NDUFV3: variants seen among roughly 807,000 people sequenced by gnomAD.
NDUFV3 encodes NADH:ubiquinone oxidoreductase subunit V3, also known as NADH dehydrogenase [ubiquinone] flavoprotein 3, mitochondrial.
NDUFV3 carries 44 observed loss-of-function variants against 37.5 expected under a neutral mutation model. The observed-to-expected ratio is 1.17, with a 90% confidence interval of 0.92 to 1.51. The LOEUF (loss-of-function observed/expected upper bound fraction) is 1.51. Ranked by LOEUF, NDUFV3 falls within the 40% of genes most tolerant of loss-of-function variation. The pLI is 0.00. For missense variants in NDUFV3, 580 were observed against 580.4 expected, an observed-to-expected ratio of 1.00 and a Z score of 0.01; for synonymous variants, 235 against 239.3, an observed-to-expected ratio of 0.98 and a Z score of 0.17.
intron 2 of NDUFV3, among the ~76,000 whole-genome samples, chr21:42,901,870 C>T (rs1171147077): frequency 6.6e-6 from 1 of 152,232 alleles, no homozygotes; most frequent in Non-Finnish European, 1.5e-5. Context: ...ATTTTAATCA[C>T]TGTGCTGTCT....
rs79864358 is a variant in NDUFV3, at chr21:42,913,075, T to G, written c.*4054T>G. On this transcript the variant is annotated 3_prime_UTR_variant, in exon 4 of 4. Transcript: ENST00000354250. ...CAAGACTCCGTCTCAAAAAATAAAT[T>G]AATTAATTAAATTAAATAAGTGGGT... is the stretch of plus-strand genomic sequence containing the variant. 6.6e-6 allele frequency: 1 copy of G among 151,976 alleles called. No homozygotes were observed. 9.4% of individuals were successfully genotyped at this position (151,976 alleles called of 1,614,324 possible). A position where few individuals can be genotyped will look rare whatever the true frequency, so the allele number is the denominator to read the frequency against.
chr21:42,893,503 C>T, intron 1 of NDUFV3, 122 bp downstream of exon 1: 1 of 1,100,790 alleles, frequency 9.1e-7, no homozygotes, highest in Non-Finnish European at 1.3e-6. Flanking sequence ...CCTAGTTGGG[C>T]CGCTGACCCC....
intron 2 of NDUFV3, among the ~76,000 whole-genome samples, chr21:42,899,569 C>T (rs1310184699): frequency 1.3e-5 from 2 of 152,162 alleles, no homozygotes; most frequent in South Asian, 2.1e-4. Context: ...CCCATCCTCC[C>T]GAATAGCTGG....
At chr21:42,904,327 G>C (rs1462963610) in intron 3 of NDUFV3, 51 bp downstream of exon 3, 1 of 1,552,442 alleles carries the variant, frequency 6.4e-7, no homozygotes, top group African/African-American at 1.4e-5. Flanking sequence ...AGGGTAGTGA[G>C]GCAAAAGAAC....
At position 42,908,958 on chromosome 21, in the gene NDUFV3, C is replaced by T. The variant is rs2058754891; in HGVS notation, c.1359C>T (p.Asn453=). 1.9e-6 allele frequency: 3 copies of T among 1,613,916 alleles called. No homozygotes were observed. The highest frequency in any genetic ancestry group is 1.7e-5 in the Admixed American group (1 of 59,962). Reference sequence around the variant, plus strand: ...GCACGTACACCTTCTTAGACCTCAACCTCGAACTCTCAAAATTCAGGATGC... The same window carrying T: ...GCACGTACACCTTCTTAGACCTCAATCTCGAACTCTCAAAATTCAGGATGC... The part of the protein sequence containing the change: ...DYSTYTFLDL[N]LELSKFRMPQ... The change falls in exon 4 of 4, where the codon AAC becomes AAT. Residue 453 remains asparagine, a synonymous_variant. Coordinates refer to ENST00000354250, the MANE Select transcript of NDUFV3 (RefSeq NM_021075.4).
chr21:42,893,694 C>G (rs1457194410), intron 1 of NDUFV3, among the ~76,000 whole-genome samples: 1 of 152,220 alleles, frequency 6.6e-6, no homozygotes, highest in African/African-American at 2.4e-5. Flanking sequence ...CTCGGGTGGA[C>G]GTTCCCAGGT....
At position 42,908,904 on chromosome 21, in the gene NDUFV3, C is replaced by G. The variant is rs752573100; in HGVS notation, c.1305C>G (p.Thr435=). The G allele has an allele frequency of 6.2e-7, 1 of 1,614,126 alleles. No individual in the cohort carries two copies. The highest frequency in any genetic ancestry group is 1.1e-5 in the South Asian group (1 of 91,080). ...PVPAEPFDNT[T]YKNLQHHDYS... is the part of the protein sequence containing the mutation. ...CTGCTGAGCCGTTTGACAACACTAC[C>G]TACAAGAACCTGCAGCATCATGACT... The change falls in exon 4 of 4, where the codon ACC becomes ACG. Residue 435 remains threonine, a synonymous_variant. Coordinates refer to ENST00000354250, the MANE Select transcript of NDUFV3 (RefSeq NM_021075.4).
chr21:42,907,246 T>C (rs1025603100), intron 3 of NDUFV3, among the ~76,000 whole-genome samples: 2 of 152,178 alleles, frequency 1.3e-5, no homozygotes, highest in African/African-American at 2.4e-5. Flanking sequence ...CTAATTTTCT[T>C]GTATCAGAGA....
At chr21:42,900,027 A>C (rs2058712316) in intron 2 of NDUFV3, among the ~76,000 whole-genome samples, 1 of 152,154 alleles carries the variant, frequency 6.6e-6, no homozygotes, top group South Asian at 2.1e-4. Context: ...GTGAAAACCT[A>C]TCTCTAGAAA....
rs1245289942 is a variant in NDUFV3 at position 42,911,615 on chromosome 21, T to C, written c.*2594T>C. 6.6e-6 allele frequency: 1 copy of C among 152,030 alleles called. No homozygotes were observed. The highest frequency in any genetic ancestry group is 1.9e-4 in the East Asian group (1 of 5,176). 9.4% of individuals were successfully genotyped at this position (152,030 alleles called of 1,614,324 possible). A position where few individuals can be genotyped will look rare whatever the true frequency, so the allele number is the denominator to read the frequency against. On this transcript the variant is annotated 3_prime_UTR_variant, in exon 4 of 4. Transcript: ENST00000354250. ...GGCCACCATGTCCGCCTAATTTTTCTATTTTTTGTAGAGACAGGGTTCAAG... is the reference window on the plus strand; with the variant it reads ...GGCCACCATGTCCGCCTAATTTTTCCATTTTTTGTAGAGACAGGGTTCAAG...
At chr21:42,906,403 G>A (rs565024897) in intron 3 of NDUFV3, among the ~76,000 whole-genome samples, 3 of 152,032 alleles carry the variant, frequency 2.0e-5, no homozygotes, top group Non-Finnish European at 4.4e-5. Flanking sequence ...TTCGTTGTGC[G>A]ACAGGATCTA....
At chr21:42,895,850 C>G (rs2058688122) in intron 1 of NDUFV3, among the ~76,000 whole-genome samples, 1 of 152,032 alleles carries the variant, frequency 6.6e-6, no homozygotes, top group South Asian at 2.1e-4. Context: ...CCATAATATA[C>G]ATACATTATG....
At chr21:42,897,661 C>T (rs2058698884) in intron 2 of NDUFV3, among the ~76,000 whole-genome samples, 1 of 152,154 alleles carries the variant, frequency 6.6e-6, no homozygotes, top group Non-Finnish European at 1.5e-5. Context: ...GCGTGAGCCA[C>T]TGCGCCCGGC....
At chr21:42,905,862 CAT>C (rs1491166724) in intron 3 of NDUFV3, among the ~76,000 whole-genome samples, 32 of 109,164 alleles carry the variant, frequency 2.9e-4, no homozygotes, top group Non-Finnish European at 4.9e-4. Context: ...ATGATGTTAC[CAT>C]TTTTTTTTTT....
At position 42,911,896 on chromosome 21, in the gene NDUFV3, A is replaced by T. The variant is rs1222350447; in HGVS notation, c.*2875A>T. ...TTCCCTTAATATTAAAATGAACATG[A>T]ATATATTTTGATTTGCATATATTTT... On this transcript the variant is annotated 3_prime_UTR_variant, in exon 4 of 4. Transcript: ENST00000354250. 2.0e-5 allele frequency: 3 copies of T among 152,206 alleles called. No individual in the cohort carries two copies. The highest frequency in any genetic ancestry group is 7.2e-5 in the African/African-American group (3 of 41,452). 9.4% of individuals were successfully genotyped at this position (152,206 alleles called of 1,614,324 possible).
intron 3 of NDUFV3, 37 bp from the exon 4 acceptor site, chr21:42,908,827 T>G (rs1039501067): frequency 1.2e-6 from 2 of 1,613,846 alleles, no homozygotes; most frequent in African/African-American, 2.7e-5. Context: ...AGAGCTGTCC[T>G]TGTGTTGGTC....
chr21:42,899,277 G>T lies in NDUFV3; in HGVS notation c.169+2230G>T, dbSNP rs868154104. On this transcript the variant is annotated intron_variant, in intron 2 of 3. Transcript: ENST00000354250. Reference sequence around the variant, plus strand: ...TCAATACACAGAACAGTTGTATCTTGTTTTTTTTTGAGACAGAGTTTTGCT... The same window carrying T: ...TCAATACACAGAACAGTTGTATCTTTTTTTTTTTTGAGACAGAGTTTTGCT... 1.5e-4 allele frequency among the ~76,000 whole-genome samples: 21 copies of T among 141,150 alleles called. 2 individuals carry two copies. Among genetic ancestry groups the T allele is most frequent in the South Asian group, 2.2e-4 (1 of 4,476 alleles). 92.6% of individuals were successfully genotyped at this position (141,150 alleles called of 152,430 possible). A position where few individuals can be genotyped will look rare whatever the true frequency, so the allele number is the denominator to read the frequency against.
chr21:42,901,009 G>A (rs2146155370), intron 2 of NDUFV3, among the ~76,000 whole-genome samples: 1 of 152,244 alleles, frequency 6.6e-6, no homozygotes, highest in African/African-American at 2.4e-5. Flanking sequence ...AGTAATTTCT[G>A]TGTAGCTTTT....
rs1181430975 is a variant in NDUFV3, at chr21:42,912,886, C to T, written c.*3865C>T. ...CAGCCTGGGCGAAAGAGCAAGACTC[C>T]GTCTCAAAAAAAAAAAACAAAAAAA... On this transcript the variant is annotated 3_prime_UTR_variant, in exon 4 of 4. Coordinates refer to ENST00000354250, the MANE Select transcript of NDUFV3 (RefSeq NM_021075.4). 1.3e-4 allele frequency: 18 copies of T among 135,868 alleles called. No homozygotes were observed. The highest frequency in any genetic ancestry group is 4.2e-4 in the African/African-American group (15 of 35,654). The allele number at this position is 135,868 out of a possible 1,614,324, so 8.4% of individuals were successfully genotyped here.
Sources: gnomAD v4.1 joint callset for allele counts (sites outside exome capture counted in the v4.1 genomes callset) on GRCh38, gnomAD v4.1.1 for gene constraint, MANE v1.5 for transcripts, NCBI Gene and HGNC (gene_info 2026-07-23, HGNC 2026-07-21) for gene names.